The following SLC25A26 variants were observed in gnomAD, a reference collection of about 807,000 sequenced individuals.
SLC25A26 encodes solute carrier family 25 member 26, also known as mitochondrial S-adenosylmethionine carrier protein.
SLC25A26 carries 36 observed loss-of-function variants against 37.8 expected under a neutral mutation model. The ratio of observed to expected loss-of-function variants is 0.95; its 90% CI spans 0.73 to 1.26. SLC25A26 has a LOEUF of 1.26. Ranked by LOEUF, SLC25A26 falls within the 50% of genes most tolerant of loss-of-function variation. The pLI, the probability that SLC25A26 is intolerant of heterozygous loss-of-function variation, is 0.00. For missense variants in SLC25A26, 390 were observed against 331.1 expected, an observed-to-expected ratio of 1.18 and a Z score of -1.38; for synonymous variants, 129 against 122.5, an observed-to-expected ratio of 1.05 and a Z score of -0.35.
chr3:66,317,283 G>A (rs1412361312), intron 5 of SLC25A26, among the ~76,000 whole-genome samples: 2 of 152,138 alleles, frequency 1.3e-5, no homozygotes, highest in Non-Finnish European at 2.9e-5. Context: ...TTTGGATGGG[G>A]TTTGTGTGGG....
intron 1 of SLC25A26, among the ~76,000 whole-genome samples, chr3:66,162,815 T>G (rs1165370446): frequency 6.6e-6 from 1 of 152,188 alleles, no homozygotes; most frequent in African/African-American, 2.4e-5. Flanking sequence ...TCCCTGCACA[T>G]GGAGGTGAAG....
intron 1 of SLC25A26, among the ~76,000 whole-genome samples, chr3:66,185,645 G>C (rs1266871051): frequency 6.6e-6 from 1 of 152,020 alleles, no homozygotes; most frequent in Non-Finnish European, 1.5e-5. Context: ...CCCTGAATGT[G>C]ACTATCATGC....
chr3:66,256,854 C>T (rs781791784), intron 3 of SLC25A26, among the ~76,000 whole-genome samples: 1 of 152,150 alleles, frequency 6.6e-6, no homozygotes, highest in Non-Finnish European at 1.5e-5. Context: ...GACCATGCCA[C>T]CTTACTGTAG....
chr3:66,318,555 C>G (rs142158507), intron 5 of SLC25A26, among the ~76,000 whole-genome samples: 1 of 151,940 alleles, frequency 6.6e-6, no homozygotes, highest in Non-Finnish European at 1.5e-5. Flanking sequence ...GTTGAAGATG[C>G]AGAATTCACT....
At chr3:66,374,755 C>T (rs1391802500) in intron 9 of SLC25A26, among the ~76,000 whole-genome samples, 7 of 152,094 alleles carry the variant, frequency 4.6e-5, no homozygotes, top group Admixed American at 4.6e-4. Context: ...TTGGTGTGTG[C>T]CTGTAGTCCC....
chr3:66,200,878 A>G (rs1380450638), intron 1 of SLC25A26, among the ~76,000 whole-genome samples: 1 of 152,220 alleles, frequency 6.6e-6, no homozygotes, highest in Admixed American at 6.5e-5. Flanking sequence ...TGAACTAAAC[A>G]AGCAACTGAC....
At chr3:66,149,772 G>T (rs1186777335) in intron 1 of SLC25A26, among the ~76,000 whole-genome samples, 1 of 152,102 alleles carries the variant, frequency 6.6e-6, no homozygotes, top group East Asian at 1.9e-4. Context: ...TCTAGATTGG[G>T]GCAATTTGAT....
At chr3:66,319,780 T>C (rs1458880822) in intron 5 of SLC25A26, among the ~76,000 whole-genome samples, 10 of 127,918 alleles carry the variant, frequency 7.8e-5, no homozygotes, top group Non-Finnish European at 1.6e-5. Context: ...TGAGATGAAG[T>C]TTCACTCTTG....
rs538876544 is a variant in SLC25A26, at chr3:66,266,674, A to T, written c.453+3295A>T. Among the ~76,000 whole-genome samples the T allele has an allele frequency of 2.1e-4, 31 of 146,594 alleles. 1 individual carries two copies. The East Asian group carries it at 6.2e-3, about 29-fold the overall frequency. On this transcript the variant is annotated intron_variant, in intron 5 of 9. Coordinates refer to ENST00000354883, the MANE Select transcript of SLC25A26 (RefSeq NM_001379210.1). ...AATTATTTTAGTTACTGTGAATTTT[A>T]GATGGAGTCTAAACAAGGTCAGCAG... is the stretch of plus-strand genomic sequence containing the variant.
chr3:66,313,392 C>T (rs1159902443), intron 5 of SLC25A26, among the ~76,000 whole-genome samples: 4 of 152,232 alleles, frequency 2.6e-5, no homozygotes, highest in African/African-American at 9.6e-5. Context: ...TTCCCCATTG[C>T]TTGTTTTTGT....
chr3:66,319,232 G>T (rs565839813), intron 5 of SLC25A26, among the ~76,000 whole-genome samples: 4 of 149,098 alleles, frequency 2.7e-5, no homozygotes, highest in African/African-American at 9.8e-5. Context: ...TATATTAGGA[G>T]CCTCATTATA....
At chr3:66,138,501 A>G (rs2069982458) in intron 1 of SLC25A26, among the ~76,000 whole-genome samples, 1 of 150,102 alleles carries the variant, frequency 6.7e-6, no homozygotes, top group African/African-American at 2.5e-5. Context: ...TCCATCCAGC[A>G]TGATTTTTAT....
intron 5 of SLC25A26, among the ~76,000 whole-genome samples, chr3:66,288,390 G>T (rs1295124354): frequency 4.6e-5 from 7 of 152,054 alleles, no homozygotes; most frequent in Non-Finnish European, 8.8e-5. Flanking sequence ...TTGTTACATA[G>T]GTATACATGT....
intron 1 of SLC25A26, among the ~76,000 whole-genome samples, chr3:66,138,735 C>G (rs1295404342): frequency 1.3e-5 from 2 of 152,080 alleles, no homozygotes; most frequent in Non-Finnish European, 2.9e-5. Flanking sequence ...CCAGAGGTTC[C>G]TCTTCACAAA....
intron 6 of SLC25A26, among the ~76,000 whole-genome samples, chr3:66,358,793 T>C (rs978847030): frequency 2.6e-5 from 4 of 152,198 alleles, no homozygotes; most frequent in Non-Finnish European, 4.4e-5. Context: ...TGTTTTTGTC[T>C]ATAAAATGAC....
At chr3:66,371,168 T>C (rs1482577236) in intron 9 of SLC25A26, 1 of 1,454,372 alleles carries the variant, frequency 6.9e-7, no homozygotes, top group African/African-American at 1.4e-5. Flanking sequence ...TGTTGAGATC[T>C]TACAGGCATG....
intron 1 of SLC25A26, among the ~76,000 whole-genome samples, chr3:66,164,001 T>C (rs1470548104): frequency 2.6e-5 from 4 of 152,164 alleles, no homozygotes; most frequent in African/African-American, 7.2e-5. Flanking sequence ...GAAGCCCCTA[T>C]AGTAAAAAAG....
intron 1 of SLC25A26, among the ~76,000 whole-genome samples, chr3:66,235,603 T>C (rs1272496293): frequency 2.0e-5 from 3 of 152,236 alleles, no homozygotes; most frequent in Non-Finnish European, 4.4e-5. Flanking sequence ...ATAAGCTGTT[T>C]CAAAATTCCA....
chr3:66,291,719 A>G (rs1185579121), intron 5 of SLC25A26, among the ~76,000 whole-genome samples: 4 of 152,122 alleles, frequency 2.6e-5, no homozygotes, highest in Non-Finnish European at 5.9e-5. Context: ...TTTACTTCCA[A>G]TTATGTGGTC....
Sources: allele counts gnomAD v4.1 joint callset (sites outside exome capture counted in the v4.1 genomes callset), GRCh38; gene constraint gnomAD v4.1.1; transcripts MANE v1.5; gene names NCBI Gene and HGNC (gene_info 2026-07-23, HGNC 2026-07-21).